ZNF609: variants seen among roughly 807,000 people sequenced by gnomAD.
The protein encoded by ZNF609 is zinc finger protein 609.
Under a neutral mutation model 109.5 loss-of-function variants are expected in ZNF609, and 11 were observed. The observed-to-expected ratio is 0.10, with a 90% confidence interval of 0.06 to 0.17. The LOEUF is 0.17. ZNF609 is among the 10% of genes least tolerant of loss of function. The probability of loss-of-function intolerance (pLI) is 1.00; values close to 1 mark genes in which losing one functional copy is unlikely to be tolerated. For missense variants in ZNF609, 1,559 were observed against 1,772.4 expected, an observed-to-expected ratio of 0.88 and a Z score of 2.16; for synonymous variants, 646 against 662.0, an observed-to-expected ratio of 0.98 and a Z score of 0.37.
chr15:64,539,676 G>C (rs944580955), intron 2 of ZNF609, among the ~76,000 whole-genome samples: 1 of 152,106 alleles, frequency 6.6e-6, no homozygotes, highest in Non-Finnish European at 1.5e-5. Flanking sequence ...GCTAATTTTT[G>C]TATTTTTAGT....
intron 3 of ZNF609, among the ~76,000 whole-genome samples, chr15:64,655,695 T>G (rs1365332317): frequency 6.6e-6 from 1 of 152,022 alleles, no homozygotes; most frequent in Admixed American, 6.6e-5. Context: ...CTGGGCATGG[T>G]GGCAGGTGCC....
At chr15:64,629,478 T>C (rs1368801230) in intron 3 of ZNF609, among the ~76,000 whole-genome samples, 1 of 152,328 alleles carries the variant, frequency 6.6e-6, no homozygotes, top group East Asian at 1.9e-4. Context: ...AATCACTGTT[T>C]CAGGCTCCTT....
At chr15:64,572,853 A>C (rs1429975843) in intron 2 of ZNF609, among the ~76,000 whole-genome samples, 1 of 152,200 alleles carries the variant, frequency 6.6e-6, no homozygotes, top group Non-Finnish European at 1.5e-5. Context: ...GTGAGCCAAG[A>C]TGGTGCCATT....
intron 6 of ZNF609, among the ~76,000 whole-genome samples, chr15:64,679,724 T>C (rs1896855157): frequency 6.6e-6 from 1 of 152,230 alleles, no homozygotes; most frequent in Non-Finnish European, 1.5e-5. Flanking sequence ...CATTATCTTT[T>C]TTAATCCTCC....
intron 1 of ZNF609, among the ~76,000 whole-genome samples, chr15:64,483,942 G>C (rs1356571473): frequency 6.6e-6 from 1 of 151,944 alleles, no homozygotes; most frequent in Non-Finnish European, 1.5e-5. Flanking sequence ...GAGTTTTTCT[G>C]CCTGCTTACT....
intron 2 of ZNF609, among the ~76,000 whole-genome samples, chr15:64,588,936 G>A (rs1895249140): frequency 6.6e-6 from 1 of 152,110 alleles, no homozygotes; most frequent in Non-Finnish European, 1.5e-5. Context: ...GAGCCACCAT[G>A]CCTGTCTGTG....
At chr15:64,522,960 T>C (rs1003086953) in intron 2 of ZNF609, among the ~76,000 whole-genome samples, 67 of 120,404 alleles carry the variant, frequency 5.6e-4, no homozygotes, top group Non-Finnish European at 1.1e-3. Flanking sequence ...TAACTTTTAA[T>C]ACATTGTGGT....
At chr15:64,511,663 A>G (rs775552707) in intron 2 of ZNF609, among the ~76,000 whole-genome samples, 35 of 151,900 alleles carry the variant, frequency 2.3e-4, no homozygotes, top group Admixed American at 3.9e-4. Flanking sequence ...TTTACAAAGT[A>G]TAAGTGTCCT....
intron 3 of ZNF609, among the ~76,000 whole-genome samples, chr15:64,630,432 A>C (rs1896052856): frequency 6.6e-6 from 1 of 151,674 alleles, no homozygotes; most frequent in Admixed American, 6.6e-5. Context: ...TTCACTCTTC[A>C]TCTCTGTATA....
chr15:64,507,133 TG>T (rs1893649363), intron 2 of ZNF609, among the ~76,000 whole-genome samples: 1 of 152,200 alleles, frequency 6.6e-6, no homozygotes, highest in Non-Finnish European at 1.5e-5. Flanking sequence ...GCCATATCCC[TG>T]GCATGGGGTT....
rs950410781 is a variant in ZNF609 at position 64,681,125 on chromosome 15, C to G, written c.4163-184C>G. On this transcript the variant is annotated intron_variant, in intron 8 of 9. Coordinates refer to ENST00000326648, the MANE Select transcript of ZNF609 (RefSeq NM_015042.2). ...CCTTGATAGTCAGAAGAATATGGAA[C>G]AGGTGTTCCCCAAAGGCAAAGAGAA... Among the ~76,000 whole-genome samples the G allele has an allele frequency of 2.0e-5, 3 of 152,216 alleles. No homozygotes were observed. In the East Asian group the frequency reaches 5.8e-4, roughly 29 times the overall value.
intron 4 of ZNF609, chr15:64,671,429 T>C (rs1248184986): frequency 1.3e-5 from 2 of 152,096 alleles, no homozygotes; most frequent in Admixed American, 1.3e-4. Flanking sequence ...ATTATTAAAG[T>C]CACCTTGAGA....
At chr15:64,484,050 CTTT>C (rs11290071) in intron 1 of ZNF609, among the ~76,000 whole-genome samples, 37 of 128,738 alleles carry the variant, frequency 2.9e-4, no homozygotes, top group Non-Finnish European at 3.4e-4. Flanking sequence ...AGTTTCTTTC[CTTT>C]TTTTTTTTTT....
chr15:64,671,548 A>G (rs763271028), intron 4 of ZNF609, among the ~76,000 whole-genome samples: 1 of 152,204 alleles, frequency 6.6e-6, no homozygotes, highest in African/African-American at 2.4e-5. Flanking sequence ...CTACTAGAAC[A>G]TACGGGTTTC....
At position 64,683,355 on chromosome 15, in the gene ZNF609, T is replaced by C. The variant is rs558606452; in HGVS notation, c.*1669T>C. 2 of 152,714 alleles carry C rather than the reference T, an allele frequency of 1.3e-5. No homozygotes were observed. Among genetic ancestry groups the C allele is most frequent in the East Asian group, 3.9e-4 (2 of 5,174 alleles). 9.5% of individuals were successfully genotyped at this position (152,714 alleles called of 1,614,324 possible). ...GGACAGTAAGCACAATGCCCAGTAG[T>C]AGTTGATTTCCAAGGACCCTGGAAC... On this transcript the variant is annotated 3_prime_UTR_variant, in exon 10 of 10. Coordinates refer to ENST00000326648, the MANE Select transcript of ZNF609 (RefSeq NM_015042.2).
intron 2 of ZNF609, among the ~76,000 whole-genome samples, chr15:64,577,077 A>T (rs9745091): frequency 1.1e-3 from 60 of 54,782 alleles, no homozygotes; most frequent in East Asian, 3.4e-3. Flanking sequence ...TATATACACA[A>T]ATATATACAT....
chr15:64,570,359 A>G (rs996315918), intron 2 of ZNF609, among the ~76,000 whole-genome samples: 1 of 152,222 alleles, frequency 6.6e-6, no homozygotes, highest in South Asian at 2.1e-4. Flanking sequence ...ACTTTTATAA[A>G]AGGCATTTGA....
At chr15:64,642,021 A>C (rs1262422145) in intron 3 of ZNF609, among the ~76,000 whole-genome samples, 3 of 152,114 alleles carry the variant, frequency 2.0e-5, no homozygotes, top group Admixed American at 6.6e-5. Context: ...TTGCCAGGAT[A>C]AGTAGGATAA....
Position 64,500,393 on chromosome 15 carries a change from T to G in ZNF609, c.747+227T>G, listed in dbSNP as rs114261342. On this transcript the variant is annotated intron_variant, in intron 2 of 9. Transcript: ENST00000326648. ...GGACATTGTGGAACAGGATATTTGT[T>G]GTTGGGGGCAGCTACTTTGTAGAAT... 7.6e-4 allele frequency: 566 copies of G among 748,302 alleles called. 3 individuals are homozygous for G. In the African/African-American group the frequency reaches 8.8e-3, roughly 12 times the overall value. 46.4% of individuals were successfully genotyped at this position (748,302 alleles called of 1,614,324 possible).
Sources: allele counts gnomAD v4.1 joint callset (sites outside exome capture counted in the v4.1 genomes callset), GRCh38; gene constraint gnomAD v4.1.1; transcripts MANE v1.5; gene names NCBI Gene and HGNC (gene_info 2026-07-23, HGNC 2026-07-21).